Variants in NAALADL2 observed in about 807,000 individuals in gnomAD.
NAALADL2 encodes the protein inactive N-acetylated-alpha-linked acidic dipeptidase-like protein 2.
Under a neutral mutation model 87.2 loss-of-function variants are expected in NAALADL2, and 76 were observed. The observed-to-expected ratio is 0.87, with a 90% confidence interval of 0.72 to 1.05. The LOEUF is 1.05. NAALADL2 is among the 50% of genes least tolerant of loss of function. The pLI is 0.00. For missense variants in NAALADL2, 1,089 were observed against 945.8 expected, an observed-to-expected ratio of 1.15 and a Z score of -1.99; for synonymous variants, 354 against 331.0, an observed-to-expected ratio of 1.07 and a Z score of -0.75.
chr3:175,316,937 A>C (rs1184920910), intron 4 of NAALADL2, among the ~76,000 whole-genome samples: 3 of 152,194 alleles, frequency 2.0e-5, no homozygotes, highest in Non-Finnish European at 4.4e-5. Context: ...GGCCAGTGAC[A>C]GATGCCACCA....
At chr3:174,865,026 C>T (rs1726975330) in intron 1 of NAALADL2, among the ~76,000 whole-genome samples, 1 of 151,988 alleles carries the variant, frequency 6.6e-6, no homozygotes, top group African/African-American at 2.4e-5. Flanking sequence ...TTTTATTTGA[C>T]AATGCTATTT....
At chr3:175,188,730 C>T (rs1737707783) in intron 2 of NAALADL2, among the ~76,000 whole-genome samples, 1 of 152,084 alleles carries the variant, frequency 6.6e-6, no homozygotes, top group South Asian at 2.1e-4. Flanking sequence ...TGTACCATTC[C>T]TTGGTACTTA....
intron 3 of NAALADL2, among the ~76,000 whole-genome samples, chr3:174,821,606 C>T (rs1349160389): frequency 6.6e-6 from 1 of 152,072 alleles, no homozygotes; most frequent in East Asian, 1.9e-4. Context: ...TCTAGCTAGG[C>T]CTGGAGGAGA....
chr3:175,746,116 C>T (rs962406865), intron 12 of NAALADL2, among the ~76,000 whole-genome samples: 1 of 152,108 alleles, frequency 6.6e-6, no homozygotes, highest in East Asian at 1.9e-4. Flanking sequence ...GGCAGCGTTT[C>T]CTCCTGTTCT....
intron 3 of NAALADL2, among the ~76,000 whole-genome samples, chr3:175,250,169 TAAA>T (rs746924726): frequency 2.4e-5 from 3 of 124,704 alleles, no homozygotes; most frequent in African/African-American, 3.0e-5. Flanking sequence ...AATTCGGTCT[TAAA>T]AAAAAAAAAA....
At chr3:175,767,002 T>G (rs904951421) in intron 13 of NAALADL2, among the ~76,000 whole-genome samples, 1 of 152,106 alleles carries the variant, frequency 6.6e-6, no homozygotes, top group Non-Finnish European at 1.5e-5. Flanking sequence ...AAAGCACACA[T>G]TTAGTCCTGT....
chr3:174,545,323 A>T (rs968046130), intron 1 of NAALADL2, among the ~76,000 whole-genome samples: 4 of 152,186 alleles, frequency 2.6e-5, no homozygotes, highest in African/African-American at 9.7e-5. Context: ...TAGGCCAGGT[A>T]ACTGTCGTCC....
chr3:174,528,753 TAAGAG>T (rs1223694836), intron 1 of NAALADL2, among the ~76,000 whole-genome samples: 7 of 152,294 alleles, frequency 4.6e-5, no homozygotes, highest in Middle Eastern at 3.4e-3. Flanking sequence ...TGGTGGCAGA[TAAGAG>T]AAGAGAGCTT....
At chr3:175,417,730 T>C (rs898792758) in intron 5 of NAALADL2, among the ~76,000 whole-genome samples, 4 of 152,156 alleles carry the variant, frequency 2.6e-5, no homozygotes, top group African/African-American at 9.6e-5. Flanking sequence ...CTGTCTGACA[T>C]TAAAAAATTA....
At chr3:174,634,470 C>T (rs760198265) in intron 2 of NAALADL2, among the ~76,000 whole-genome samples, 24 of 152,008 alleles carry the variant, frequency 1.6e-4, no homozygotes, top group Non-Finnish European at 2.8e-4. Context: ...GCAACTTCTA[C>T]TCAGTTGAAC....
At chr3:175,002,276 G>A (rs375907403) in intron 1 of NAALADL2, among the ~76,000 whole-genome samples, 23 of 152,254 alleles carry the variant, frequency 1.5e-4, no homozygotes, top group South Asian at 2.1e-4. Flanking sequence ...TATGTATAGC[G>A]CAGAAAGTCA....
chr3:174,978,684 A>G (rs1744693766), intron 1 of NAALADL2, among the ~76,000 whole-genome samples: 1 of 152,216 alleles, frequency 6.6e-6, no homozygotes, highest in Non-Finnish European at 1.5e-5. Context: ...AATGTGGCTG[A>G]GGTAAAACTC....
At chr3:175,352,818 ATGGGTG>A (rs763530617) in intron 5 of NAALADL2, among the ~76,000 whole-genome samples, 1 of 152,082 alleles carries the variant, frequency 6.6e-6, no homozygotes. Context: ...GGGTATGGGT[ATGGGTG>A]TGGGTGTGGG....
chr3:175,050,208 C>G (rs1755195472), intron 1 of NAALADL2, among the ~76,000 whole-genome samples: 1 of 152,116 alleles, frequency 6.6e-6, no homozygotes, highest in Non-Finnish European at 1.5e-5. Context: ...TGATACTGAG[C>G]TGGAATAATT....
intron 2 of NAALADL2, among the ~76,000 whole-genome samples, chr3:174,602,540 G>A (rs1718556532): frequency 6.6e-6 from 1 of 150,742 alleles, no homozygotes; most frequent in Admixed American, 6.6e-5. Context: ...CCAAATATAG[G>A]ATAATATAAT....
chr3:175,248,426 C>A (rs937322006), intron 3 of NAALADL2, among the ~76,000 whole-genome samples: 1 of 152,032 alleles, frequency 6.6e-6, no homozygotes, highest in African/African-American at 2.4e-5. Context: ...TAACTGAAAA[C>A]AAGTTTATGT....
intron 2 of NAALADL2, among the ~76,000 whole-genome samples, chr3:174,668,624 A>G (rs190329464): frequency 6.6e-6 from 1 of 151,442 alleles, no homozygotes; most frequent in African/African-American, 2.4e-5. Context: ...TCCTGTGTCC[A>G]TGTGTTCTCA....
At chr3:175,481,287 A>C (rs1028592501) in intron 9 of NAALADL2, among the ~76,000 whole-genome samples, 4 of 151,524 alleles carry the variant, frequency 2.6e-5, no homozygotes. Flanking sequence ...ATTTTCTTTA[A>C]CATTTATATA....
At position 174,616,223 on chromosome 3, in the gene NAALADL2, T is replaced by C. The variant is rs187215249; in HGVS notation, c.-115+65586T>C. Among the ~76,000 whole-genome samples, 3 of 151,908 alleles carry C rather than the reference T, an allele frequency of 2.0e-5. No individual in the cohort carries two copies. The East Asian group carries it at 5.8e-4, about 29-fold the overall frequency. On this transcript the variant is annotated intron_variant, in intron 2 of 3. Transcript: ENST00000434257. ...GGCATAATAGATCAGATAGGAAATA[T>C]AAAATGATAATTAACACTGCTTTTT...
Sources: gnomAD v4.1 joint callset for allele counts (sites outside exome capture counted in the v4.1 genomes callset) on GRCh38, gnomAD v4.1.1 for gene constraint, MANE v1.5 for transcripts, NCBI Gene and HGNC (gene_info 2026-07-23, HGNC 2026-07-21) for gene names.